CRYBG2: variants seen among roughly 807,000 people sequenced by gnomAD.
CRYBG2 encodes crystallin beta-gamma domain containing 2, also known as beta/gamma crystallin domain-containing protein 2.
Under a neutral mutation model 153.4 loss-of-function variants are expected in CRYBG2, and 106 were observed. The observed-to-expected ratio is 0.69, with a 90% CI of 0.59 to 0.81. The LOEUF is 0.81. CRYBG2 is among the 30% of genes least tolerant of loss of function. The pLI is 0.00. For missense variants in CRYBG2, 1,996 were observed against 2,112.0 expected (o/e 0.95, Z 1.08); for synonymous variants, 851 against 877.8 (o/e 0.97, Z 0.54).
At chr1:26,348,162 A>C (rs187142856) in intron 1 of CRYBG2, among the ~76,000 whole-genome samples, 1 of 152,262 alleles carries the variant, frequency 6.6e-6, no homozygotes, top group African/African-American at 2.4e-5. Context: ...GAGATTTGTG[A>C]CCAAATGTTA....
chr1:26,353,927 A>G (rs1017312074), intron 1 of CRYBG2, 109 bp downstream of exon 1: 3 of 398,648 alleles, frequency 7.5e-6, no homozygotes, highest in African/African-American at 4.1e-5. Flanking sequence ...GAGTCGGCTC[A>G]GGGTCCTGAA....
intron 15 of CRYBG2, 112 bp downstream of exon 15, chr1:26,331,377 T>C: frequency 6.8e-7 from 1 of 1,473,142 alleles, no homozygotes; most frequent in Non-Finnish European, 9.1e-7. Context: ...CTGGGGCAGT[T>C]CTAAAAACAC....
At chr1:26,324,504 T>TCTCACA (rs916888706) in intron 17 of CRYBG2, among the ~76,000 whole-genome samples, 194 bp from the exon 18 acceptor site, 1 of 126,484 alleles carries the variant, frequency 7.9e-6, no homozygotes, top group African/African-American at 2.9e-5. Context: ...TCTCTCTCTC[T>TCTCACA]CACACACACA....
At chr1:26,328,896 G>C (rs2124695190) in intron 15 of CRYBG2, 23 bp from the exon 16 acceptor site, 1 of 1,613,178 alleles carries the variant, frequency 6.2e-7, no homozygotes, top group Non-Finnish European at 8.5e-7. Flanking sequence ...AGACAGAAGA[G>C]GGTGAGGCTC....
rs1570182765 is a variant in CRYBG2 at position 26,336,272 on chromosome 1, G to A, written c.4072-65C>T. On this transcript the variant is annotated intron_variant, in intron 13 of 19. Coordinates refer to ENST00000308182, the MANE Select transcript of CRYBG2 (RefSeq NM_001039775.4). This position sits in a 1 kb window ranked among gnomAD's most constrained non-coding sequence, Gnocchi z 4.9. ...GGAGTGGGGCCGAGAACAGCGGGGAGGGGAAAGGTCCGAAATGAGGGGAGA... is the reference window on the plus strand; with the variant it reads ...GGAGTGGGGCCGAGAACAGCGGGGAAGGGAAAGGTCCGAAATGAGGGGAGA... The A allele has an allele frequency of 4.4e-6, 7 of 1,603,086 alleles. No individual in the cohort carries two copies. Among genetic ancestry groups the A allele is most frequent in the Admixed American group, 1.7e-5 (1 of 58,934 alleles).
chr1:26,324,502 TCTCACACA>T lies in CRYBG2; in HGVS notation c.4579-200_4579-193del, dbSNP rs1452032523. Reference sequence around the variant, plus strand: ...CGGAGAGCACATGTATCTCTCTCTCTCTCACACACACACACACACACACACACACACAC... The same window carrying T: ...CGGAGAGCACATGTATCTCTCTCTCTCACACACACACACACACACACACAC... On this transcript the variant is annotated intron_variant, in intron 17 of 19. Coordinates refer to ENST00000308182, the MANE Select transcript of CRYBG2 (RefSeq NM_001039775.4). Among the ~76,000 whole-genome samples, 59 of 117,990 alleles carry T rather than the reference TCTCACACA, an allele frequency of 5.0e-4. 1 individual carries two copies. Among genetic ancestry groups the T allele is most frequent in the Middle Eastern group, 4.5e-3 (1 of 222 alleles). 77.4% of individuals were successfully genotyped at this position (117,990 alleles called of 152,430 possible).
chr1:26,331,358 C>G (rs2073994518), intron 15 of CRYBG2, 131 bp downstream of exon 15: 3 of 1,346,106 alleles, frequency 2.2e-6, no homozygotes, highest in African/African-American at 2.9e-5. Flanking sequence ...GCCCCAGAGT[C>G]AAGGGGACCT....
At chr1:26,347,035 A>AG (rs2074231178) in intron 1 of CRYBG2, among the ~76,000 whole-genome samples, 1 of 152,106 alleles carries the variant, frequency 6.6e-6, no homozygotes, top group South Asian at 2.1e-4. Context: ...ACAGGTCTAT[A>AG]GGGGGGCTGG....
chr1:26,332,386 T>C (rs2074007926), intron 14 of CRYBG2, among the ~76,000 whole-genome samples: 2 of 150,372 alleles, frequency 1.3e-5, no homozygotes, highest in South Asian at 2.1e-4. Context: ...CTTAAAGGGA[T>C]ATAAAGTGAT....
At chr1:26,327,271 AC>A (rs1328159013) in intron 17 of CRYBG2, among the ~76,000 whole-genome samples, 1 of 151,930 alleles carries the variant, frequency 6.6e-6, no homozygotes, top group Non-Finnish European at 1.5e-5. Flanking sequence ...TTCGAGACCA[AC>A]CTGGCCAATT....
Position 26,338,377 on chromosome 1 carries a change from C to CG in CRYBG2, c.3444dup (p.Val1149ArgfsTer26). On this transcript the variant is annotated frameshift_variant, in exon 7 of 20. Coordinates refer to ENST00000308182, the MANE Select transcript of CRYBG2 (RefSeq NM_001039775.4). LOFTEE classifies it high-confidence loss of function. Reference sequence around the variant, plus strand: ...AATCTCATGGGCTTCAGGGAGCCCACGCTGGGGTCCGATGTGCCCCAGGCC... The same window carrying CG: ...AATCTCATGGGCTTCAGGGAGCCCACGGCTGGGGTCCGATGTGCCCCAGGCC... 6.2e-7 allele frequency: 1 copy of CG among 1,610,976 alleles called. No individual in the cohort carries two copies. Among genetic ancestry groups the CG allele is most frequent in the Middle Eastern group, 1.7e-4 (1 of 6,036 alleles).
In CRYBG2 at chr1:26,336,379, A is replaced by T. The variant is rs762031255; in HGVS notation, c.4039-9T>A. ...AGATCGTGCTCCCCGACCTGAAGGT[A>T]GGGACCGAATCGAGAATTAGGGAGG... On this transcript the variant is annotated splice_polypyrimidine_tract_variant and intron_variant, in intron 12 of 19. Transcript: ENST00000308182. The surrounding 1 kb of genome is among the most constrained non-coding windows in gnomAD (Gnocchi z 4.9). 1.9e-6 allele frequency: 3 copies of T among 1,613,052 alleles called. No individual in the cohort carries two copies. In the African/African-American group the frequency reaches 4.0e-5, roughly 22 times the overall value.
Position 26,336,822 on chromosome 1 carries a change from C to G in CRYBG2, c.3911+19G>C. Reference sequence around the variant, plus strand: ...GGCTCGCCCGGGCCCGCCCCGCTCCCGGAGCCCGGGTCACTTACACGCCGC... The same window carrying G: ...GGCTCGCCCGGGCCCGCCCCGCTCCGGGAGCCCGGGTCACTTACACGCCGC... On this transcript the variant is annotated intron_variant, in intron 11 of 19. Coordinates refer to ENST00000308182, the MANE Select transcript of CRYBG2 (RefSeq NM_001039775.4). This position sits in a 1 kb window ranked among gnomAD's most constrained non-coding sequence, Gnocchi z 4.9. 1.3e-6 allele frequency: 2 copies of G among 1,574,576 alleles called. No individual in the cohort carries two copies. Among genetic ancestry groups the G allele is most frequent in the Non-Finnish European group, 1.7e-6 (2 of 1,161,832 alleles).
intron 17 of CRYBG2, among the ~76,000 whole-genome samples, chr1:26,327,828 T>C (rs1005384405): frequency 2.2e-4 from 34 of 151,616 alleles, no homozygotes; most frequent in African/African-American, 8.0e-4. Context: ...GTGCCTGTGG[T>C]CCCAGTTACT....
In CRYBG2 at chr1:26,343,960, G is replaced by A; in HGVS notation, c.2698C>T (p.Pro900Ser). 6.5e-7 allele frequency: 1 copy of A among 1,537,666 alleles called. No homozygotes were observed. Among genetic ancestry groups the A allele is most frequent in the Non-Finnish European group, 8.7e-7 (1 of 1,146,648 alleles). The change falls in exon 2 of 20, where the codon CCC (proline) becomes TCC (serine). Residue 900 changes from proline (P) to serine (S), a missense_variant. Physicochemically the swap from Pro to Ser is moderately conservative, Grantham distance 74 (BLOSUM62 -1). Coordinates refer to ENST00000308182, the MANE Select transcript of CRYBG2 (RefSeq NM_001039775.4). The surrounding 1 kb of genome is among the most constrained non-coding windows in gnomAD (Gnocchi z 4.1). ...AGGCTGCCTCCAAGACGGGAAGTGG[G>A]CCTGCTGCCTCCCTGCAGTTCCAAT... Reference protein sequence around the residue: ...LGLELQGGSRPTSRLGGSLLF... With the variant: ...LGLELQGGSRSTSRLGGSLLF...
At chr1:26,328,528 G>T in intron 16 of CRYBG2, 196 bp from the exon 17 acceptor site, 1 of 1,126,812 alleles carries the variant, frequency 8.9e-7, no homozygotes, top group Non-Finnish European at 1.2e-6. Context: ...GGGTAAAGAA[G>T]GATCCTGAGA....
chr1:26,344,484 G>A lies in CRYBG2; in HGVS notation c.2174C>T (p.Pro725Leu). 6.5e-7 allele frequency: 1 copy of A among 1,541,920 alleles called. No individual in the cohort carries two copies. Among genetic ancestry groups the A allele is most frequent in the African/African-American group, 1.4e-5 (1 of 73,052 alleles). Residue 725 changes from proline to leucine, a missense_variant, in exon 2 of 20, where the codon CCA becomes CTA. Physicochemically the swap from Pro to Leu is moderately conservative, Grantham distance 98. Transcript: ENST00000308182. ...VSPSPGGTPA[P>L]VPTGAEASTE... ...GCTGGCCTCTGCTCCTGTTGGCACT[G>A]GGGCAGGGGTGCCTCCTGGGCTGGG...
chr1:26,328,328 C>T lies in CRYBG2; in HGVS notation c.4459G>A (p.Val1487Met), dbSNP rs1226124787. The change falls in exon 17 of 20, where the codon GTG becomes ATG. Residue 1487 changes from valine (V) to methionine (M), a missense_variant. Physicochemically the swap from Val to Met is conservative, Grantham distance 21. Transcript: ENST00000308182. ...LSVRIKGGIWVLCEHSDFRGR... is the reference protein window; with the variant it reads ...LSVRIKGGIWMLCEHSDFRGR... ...CGGAAGTCACTGTGTTCACATAGCACCCAACTGGGCCCAGCAGGTGTCAGG... is the reference window on the plus strand; with the variant it reads ...CGGAAGTCACTGTGTTCACATAGCATCCAACTGGGCCCAGCAGGTGTCAGG... 1 of 1,568,386 alleles carries T rather than the reference C, an allele frequency of 6.4e-7. No homozygotes were observed. Among genetic ancestry groups the T allele is most frequent in the Non-Finnish European group, 8.6e-7 (1 of 1,156,152 alleles).
chr1:26,346,367 A>C lies in CRYBG2; in HGVS notation c.291T>G (p.Phe97Leu), dbSNP rs752996343. 8 of 1,599,418 alleles carry C rather than the reference A, an allele frequency of 5.0e-6. No homozygotes were observed. The highest frequency in any genetic ancestry group is 1.3e-5 in the African/African-American group (1 of 75,010). Reference sequence around the variant, plus strand: ...TGGGAGGTGGTATGTACTTCTTGGAAAAGATGGGTCCATGGCTCTGGAAGT... The same window carrying C: ...TGGGAGGTGGTATGTACTTCTTGGACAAGATGGGTCCATGGCTCTGGAAGT... Reference protein sequence around the residue: ...SKNFQSHGPIFSKKYIPPPKE... With the variant: ...SKNFQSHGPILSKKYIPPPKE... The change falls in exon 2 of 20, where the codon TTT becomes TTG. Residue 97 changes from phenylalanine to leucine, a missense_variant. Transcript: ENST00000308182. This position sits in a 1 kb window ranked among gnomAD's most constrained non-coding sequence, Gnocchi z 4.9.
Sources: gnomAD v4.1 joint callset for allele counts (sites outside exome capture counted in the v4.1 genomes callset) on GRCh38, gnomAD v4.1.1 for gene constraint, Gnocchi (gnomAD v3.1) non-coding constraint, MANE v1.5 for transcripts, NCBI Gene and HGNC (gene_info 2026-07-23, HGNC 2026-07-21) for gene names.